The following L3HYPDH variants were observed in gnomAD, a reference collection of about 807,000 sequenced individuals.
L3HYPDH encodes trans-L-3-hydroxyproline dehydratase.
Under a neutral mutation model 26.5 loss-of-function variants are expected in L3HYPDH, and 32 were observed. That is an observed-to-expected ratio of 1.21 (90% CI 0.91 to 1.62). The LOEUF is 1.62. Among genes scored for constraint, L3HYPDH ranks in the 40% most tolerant of loss-of-function variants. The probability of loss-of-function intolerance (pLI) is 0.00; values close to 1 mark genes in which losing one functional copy is unlikely to be tolerated. For missense variants in L3HYPDH, 554 were observed against 476.4 expected (o/e 1.16, Z -1.52); for synonymous variants, 215 against 196.6 (o/e 1.09, Z -0.78).
chr14:59,475,901 T>C lies in L3HYPDH; in HGVS notation c.907A>G (p.Thr303Ala), dbSNP rs757399959. The C allele has an allele frequency of 1.1e-5, 18 of 1,613,576 alleles. No individual in the cohort carries two copies. The East Asian group carries it at 2.9e-4, about 26-fold the overall frequency. Residue 303 changes from threonine to alanine, a missense_variant, in exon 4 of 5, where the codon ACT becomes GCT. Transcript: ENST00000247194. ...NQMRAFKSSA[T>A]GSVFTGKAVR... ...GCTTTCCCTGTGAATACTGAGCCAG[T>C]TGCACTGCTTTTGAAGGCTCTCATC... is the stretch of plus-strand genomic sequence containing the variant.
At chr14:59,488,554 T>C (rs777784680), upstream of L3HYPDH, among the ~76,000 whole-genome samples, 128 of 152,058 alleles carry the variant, frequency 8.4e-4, 1 homozygote, top group Non-Finnish European at 1.4e-3. Flanking sequence ...ATGGAAGTAA[T>C]CTGGGGTAGT....
chr14:59,486,015 T>G (rs917411086), upstream of L3HYPDH: 1 of 152,184 alleles, frequency 6.6e-6, no homozygotes, highest in African/African-American at 2.4e-5. Flanking sequence ...AGACAACGTA[T>G]TAGGTTCTTA....
chr14:59,488,638 G>C (rs778669841), upstream of L3HYPDH, among the ~76,000 whole-genome samples: 14 of 152,114 alleles, frequency 9.2e-5, no homozygotes, highest in Non-Finnish European at 1.6e-4. Context: ...AGAATGTGAA[G>C]GTTCTTGATA....
At chr14:59,479,815 G>T (rs1036305018) in intron 1 of L3HYPDH, among the ~76,000 whole-genome samples, 2 of 152,100 alleles carry the variant, frequency 1.3e-5, no homozygotes, top group South Asian at 2.1e-4. Context: ...TTTAATAAAA[G>T]ATTTTTCTAT....
At chr14:59,478,925 G>C in intron 2 of L3HYPDH, 1 of 341,810 alleles carries the variant, frequency 2.9e-6, no homozygotes. Context: ...AAAAAAAATT[G>C]CAAAAAAACT....
the L3HYPDH span, among the ~76,000 whole-genome samples, chr14:59,499,513 C>CTA: frequency 6.6e-6 from 1 of 151,960 alleles, no homozygotes; most frequent in Non-Finnish European, 1.5e-5. Context: ...TGTTTAGTAA[C>CTA]CATTTAGACC....
upstream of L3HYPDH, chr14:59,487,055 T>A (rs1366427255): frequency 3.2e-6 from 1 of 310,500 alleles, no homozygotes; most frequent in Non-Finnish European, 6.0e-6. Context: ...AGAAAAAAAT[T>A]AGCTGGGCAT....
chr14:59,498,787 T>G, the L3HYPDH span: 1 of 1,608,156 alleles, frequency 6.2e-7, no homozygotes, highest in Non-Finnish European at 8.5e-7. Flanking sequence ...TGCTCCGACC[T>G]CTTCTGGTGA....
chr14:59,478,561 G>A (rs1202211636), intron 2 of L3HYPDH, among the ~76,000 whole-genome samples: 1 of 152,036 alleles, frequency 6.6e-6, no homozygotes, highest in Admixed American at 6.6e-5. Context: ...CTACAGCCTG[G>A]GTGACAGAGC....
the L3HYPDH span, among the ~76,000 whole-genome samples, chr14:59,496,175 G>T: frequency 6.6e-6 from 1 of 152,048 alleles, no homozygotes; most frequent in Non-Finnish European, 1.5e-5. Flanking sequence ...CAAAGTGATG[G>T]GATTACAGGC....
At chr14:59,492,781 A>T in the L3HYPDH span, among the ~76,000 whole-genome samples, 2 of 150,558 alleles carry the variant, frequency 1.3e-5, no homozygotes, top group African/African-American at 4.9e-5. Flanking sequence ...AATAGAGACT[A>T]TGAAGGAGAG....
chr14:59,473,865 C>A (rs2139799964), intron 4 of L3HYPDH, among the ~76,000 whole-genome samples: 1 of 152,118 alleles, frequency 6.6e-6, no homozygotes, highest in Middle Eastern at 3.4e-3. Context: ...GGAAAGGAAG[C>A]TGCAGCAGGG....
At chr14:59,495,205 C>A in the L3HYPDH span, 3 of 1,610,090 alleles carry the variant, frequency 1.9e-6, no homozygotes, top group South Asian at 2.2e-5. Flanking sequence ...ACACTGTACT[C>A]ATGAAGCCGT....
chr14:59,496,849 AT>A, the L3HYPDH span, among the ~76,000 whole-genome samples: 7 of 152,210 alleles, frequency 4.6e-5, no homozygotes, highest in African/African-American at 1.7e-4. Flanking sequence ...CAAAACAGTG[AT>A]TTTTAAAATT....
chr14:59,466,378 G>A (rs1889179910), intron 1 of L3HYPDH, among the ~76,000 whole-genome samples: 1 of 152,234 alleles, frequency 6.6e-6, no homozygotes, highest in South Asian at 2.1e-4. Context: ...GGAAAAGTGT[G>A]ATAAACCCTC....
At chr14:59,499,599 C>T in the L3HYPDH span, among the ~76,000 whole-genome samples, 2 of 152,064 alleles carry the variant, frequency 1.3e-5, no homozygotes, top group Admixed American at 1.3e-4. Flanking sequence ...AGTAGGCAAG[C>T]CAGTGGCTGA....
chr14:59,504,735 T>C, the L3HYPDH span: 1 of 152,828 alleles, frequency 6.5e-6, no homozygotes, highest in African/African-American at 2.4e-5. Context: ...ACTTAATTGT[T>C]GTTTGGCACA....
chr14:59,471,537 A>G (rs1280882190), downstream of L3HYPDH, among the ~76,000 whole-genome samples: 1 of 152,220 alleles, frequency 6.6e-6, no homozygotes, highest in African/African-American at 2.4e-5. Flanking sequence ...ATTTTAGAAC[A>G]ATAATAAAAT....
chr14:59,494,896 C>A, the L3HYPDH span: 3 of 672,158 alleles, frequency 4.5e-6, no homozygotes, highest in Non-Finnish European at 7.7e-6. Flanking sequence ...AGGTTATACT[C>A]GAGTAGTTTT....
Sources: gnomAD v4.1 joint callset for allele counts (sites outside exome capture counted in the v4.1 genomes callset) on GRCh38, gnomAD v4.1.1 for gene constraint, MANE v1.5 for transcripts, NCBI Gene and HGNC (gene_info 2026-07-23, HGNC 2026-07-21) for gene names.